Variants in RBM20 observed in about 807,000 individuals in gnomAD.
RBM20 encodes the protein RNA binding motif protein 20.
Under a neutral mutation model 110.1 loss-of-function variants are expected in RBM20, and 51 were observed. The ratio of observed to expected loss-of-function variants is 0.46; its 90% CI spans 0.37 to 0.59. The LOEUF (loss-of-function observed/expected upper bound fraction) is 0.59, where lower values mean the gene tolerates loss of function less well. RBM20 is among the 20% of genes least tolerant of loss of function. The pLI, the probability that RBM20 is intolerant of heterozygous loss-of-function variation, is 0.00. For missense variants in RBM20, 1,512 were observed against 1,574.9 expected (o/e 0.96, Z 0.68); for synonymous variants, 589 against 618.2 (o/e 0.95, Z 0.70).
At position 110,838,618 on chromosome 10, in the gene RBM20, C is replaced by T. The variant is rs1380976740; in HGVS notation, c.*2640C>T. 2 of 152,192 alleles carry T rather than the reference C, an allele frequency of 1.3e-5. No individual in the cohort carries two copies. Among genetic ancestry groups the T allele is most frequent in the East Asian group, 3.9e-4 (2 of 5,194 alleles). 9.4% of individuals were successfully genotyped at this position (152,192 alleles called of 1,614,324 possible). A position where few individuals can be genotyped will look rare whatever the true frequency, so the allele number is the denominator to read the frequency against. The stretch of plus-strand genomic sequence containing the variant: ...CCTAGCAAAGTGGGAGAAGATTTTA[C>T]CAGCTCATTCCACTCCACCCTGGCC... On this transcript the variant is annotated 3_prime_UTR_variant, in exon 14 of 14. Coordinates refer to ENST00000369519, the MANE Select transcript of RBM20 (RefSeq NM_001134363.3).
At chr10:110,763,068 C>G (rs1209817282) in intron 1 of RBM20, among the ~76,000 whole-genome samples, 1 of 152,188 alleles carries the variant, frequency 6.6e-6, no homozygotes, top group East Asian at 1.9e-4. Flanking sequence ...GAGCCTGGGA[C>G]AGCCTGTGGG....
chr10:110,662,811 C>T (rs907755935), intron 1 of RBM20, among the ~76,000 whole-genome samples: 5 of 152,222 alleles, frequency 3.3e-5, no homozygotes, highest in African/African-American at 1.2e-4. Flanking sequence ...CCTCCTTCCT[C>T]TATACTGATG....
chr10:110,834,091 G>A (rs978917755), intron 13 of RBM20, among the ~76,000 whole-genome samples: 2 of 152,202 alleles, frequency 1.3e-5, no homozygotes, highest in Non-Finnish European at 2.9e-5. Context: ...TCACGGCTCT[G>A]CAAGAACCCA....
At chr10:110,831,247 G>A in intron 13 of RBM20, 65 bp downstream of exon 13, 1 of 1,517,504 alleles carries the variant, frequency 6.6e-7, no homozygotes, top group Non-Finnish European at 8.9e-7. Context: ...CGAGCCAGGT[G>A]TCTGGCGTCC....
intron 1 of RBM20, among the ~76,000 whole-genome samples, chr10:110,764,985 C>A (rs539890426): frequency 4.4e-4 from 67 of 152,220 alleles, no homozygotes; most frequent in African/African-American, 1.6e-3. Flanking sequence ...GTCCCCACCC[C>A]CTCCGTTTTA....
rs80294497 is a variant in RBM20, at chr10:110,825,664, C to T, written c.3451+2050C>T. Among the ~76,000 whole-genome samples, 699 of 152,332 alleles carry T rather than the reference C, an allele frequency of 4.6e-3. 4 individuals carry two copies. The highest frequency in any genetic ancestry group is 0.015 in the African/African-American group (620 of 41,572). ...TTTTTAACCACTGCAAATATTCCATCGTAAAAGCTATGCTATAAATGACTG... is the reference window on the plus strand; with the variant it reads ...TTTTTAACCACTGCAAATATTCCATTGTAAAAGCTATGCTATAAATGACTG... On this transcript the variant is annotated intron_variant, in intron 12 of 13. Transcript: ENST00000369519.
In RBM20 at chr10:110,729,785, C is replaced by T. The variant is rs76616255; in HGVS notation, c.192-51016C>T. Among the ~76,000 whole-genome samples the T allele has an allele frequency of 5.9e-3, 894 of 152,314 alleles. 11 individuals are homozygous for T. Among genetic ancestry groups the T allele is most frequent in the African/African-American group, 0.02 (850 of 41,562 alleles). On this transcript the variant is annotated intron_variant, in intron 1 of 13. Transcript: ENST00000369519. ...GCTTGAGAGGCCCTCTCCTGACCCC[C>T]TCTGTCAGGAACATTAATGTCATTT...
intron 12 of RBM20, among the ~76,000 whole-genome samples, chr10:110,826,150 G>A (rs1844977997): frequency 6.6e-6 from 1 of 152,182 alleles, no homozygotes; most frequent in Non-Finnish European, 1.5e-5. Flanking sequence ...CCTTGAGTGA[G>A]AGTTCCCAAT....
At chr10:110,647,183 T>C (rs1861880860) in intron 1 of RBM20, among the ~76,000 whole-genome samples, 1 of 152,222 alleles carries the variant, frequency 6.6e-6, no homozygotes, top group Non-Finnish European at 1.5e-5. Flanking sequence ...AATCAGTTCC[T>C]GTTCACGTTA....
In RBM20 at chr10:110,735,943, G is replaced by T. The variant is rs371050616; in HGVS notation, c.192-44858G>T. Among the ~76,000 whole-genome samples the T allele has an allele frequency of 3.3e-5, 5 of 152,176 alleles. No homozygotes were observed. The East Asian group carries it at 7.7e-4, about 23-fold the overall frequency. ...CTCTGGAATTTAACCACAAGCTTAG[G>T]CTTTGAAGATATGGTATCTCCCACC... On this transcript the variant is annotated intron_variant, in intron 1 of 13. Transcript: ENST00000369519.
At chr10:110,805,326 C>A (rs140249907) in intron 7 of RBM20, among the ~76,000 whole-genome samples, 1 of 152,054 alleles carries the variant, frequency 6.6e-6, no homozygotes, top group Non-Finnish European at 1.5e-5. Context: ...AGGCAGGAGT[C>A]GGGTGAGTGA....
chr10:110,727,143 C>CTTTTTTTTTT (rs57606079), intron 1 of RBM20, among the ~76,000 whole-genome samples: 1 of 80,664 alleles, frequency 1.2e-5, no homozygotes, highest in Non-Finnish European at 2.3e-5. Flanking sequence ...TGCACCCAGC[C>CTTTTTTTTTT]TTTTTTTTTT....
In RBM20 at chr10:110,821,455, T is replaced by C; in HGVS notation, c.2836T>C (p.Cys946Arg). 6.4e-7 allele frequency: 1 copy of C among 1,551,740 alleles called. No homozygotes were observed. Among genetic ancestry groups the C allele is most frequent in the Non-Finnish European group, 8.7e-7 (1 of 1,147,020 alleles). The change falls in exon 11 of 14, where the codon TGT becomes CGT. Residue 946 changes from cysteine (C) to arginine (R), a missense_variant. Coordinates refer to ENST00000369519, the MANE Select transcript of RBM20 (RefSeq NM_001134363.3). ...DQKDKICPET[C>R]LCVTTTLDLD... The stretch of plus-strand genomic sequence containing the variant: ...GAAAGACAAAATTTGCCCAGAAACA[T>C]GTCTGTGTGTGACAACCACCTTAGA...
chr10:110,748,238 A>T (rs1383721607), intron 1 of RBM20, among the ~76,000 whole-genome samples: 1 of 152,232 alleles, frequency 6.6e-6, no homozygotes, highest in Non-Finnish European at 1.5e-5. Context: ...TAACCAAAAG[A>T]ATGTGGGAAC....
chr10:110,747,248 T>C (rs530210420), intron 1 of RBM20, among the ~76,000 whole-genome samples: 1 of 146,598 alleles, frequency 6.8e-6, no homozygotes, highest in Non-Finnish European at 1.5e-5. Context: ...GGTATTTGCA[T>C]CATCATTTGG....
intron 1 of RBM20, among the ~76,000 whole-genome samples, chr10:110,750,231 A>C (rs1323489748): frequency 3.3e-5 from 5 of 152,246 alleles, no homozygotes; most frequent in Admixed American, 3.3e-4. Flanking sequence ...TTTTTAAGAC[A>C]ACACAAAGCA....
chr10:110,699,634 CT>C (rs1862726910), intron 1 of RBM20, among the ~76,000 whole-genome samples: 1 of 152,100 alleles, frequency 6.6e-6, no homozygotes, highest in Admixed American at 6.6e-5. Flanking sequence ...TTAAAGGGTA[CT>C]TGTTTCCTGT....
intron 7 of RBM20, among the ~76,000 whole-genome samples, chr10:110,805,544 G>A (rs895849776): frequency 1.3e-5 from 2 of 152,214 alleles, no homozygotes; most frequent in African/African-American, 2.4e-5. Context: ...TGACTTTTAC[G>A]GGTGTAGCCT....
intron 3 of RBM20, among the ~76,000 whole-genome samples, chr10:110,783,659 C>T (rs1392888757): frequency 6.6e-6 from 1 of 152,214 alleles, no homozygotes; most frequent in East Asian, 1.9e-4. Context: ...AAACACCAGG[C>T]AGAGGCCGGA....
Sources: allele counts gnomAD v4.1 joint callset (sites outside exome capture counted in the v4.1 genomes callset), GRCh38; gene constraint gnomAD v4.1.1; transcripts MANE v1.5; gene names NCBI Gene and HGNC (gene_info 2026-07-23, HGNC 2026-07-21).